WNK3: variants seen among roughly 807,000 people sequenced by gnomAD.
WNK3 encodes the protein WNK lysine deficient protein kinase 3, also known as serine/threonine-protein kinase WNK3.
Under a neutral mutation model 116.7 loss-of-function variants are expected in WNK3, and 18 were observed. That is an observed-to-expected ratio of 0.15 (90% CI 0.11 to 0.23). The LOEUF is 0.23. WNK3 is among the 10% of genes least tolerant of loss of function. The probability of loss-of-function intolerance (pLI) is 1.00; values close to 1 mark genes in which losing one functional copy is unlikely to be tolerated. For missense variants in WNK3, 993 were observed against 1,323.8 expected, an observed-to-expected ratio of 0.75 and a Z score of 3.88; for synonymous variants, 404 against 469.4, an observed-to-expected ratio of 0.86 and a Z score of 1.80.
chrX:54,251,348 C>A, intron 15 of WNK3, 51 bp downstream of exon 15: 1 of 930,706 alleles, frequency 1.1e-6, no homozygotes. Flanking sequence ...TAAAAGTTTT[C>A]AAATGTCTTG....
chrX:54,319,282 C>A (rs1249216157), intron 2 of WNK3, among the ~76,000 whole-genome samples: 1 of 111,076 alleles, frequency 9.0e-6, no homozygotes, highest in African/African-American at 3.3e-5. Context: ...CCCACCTCAG[C>A]CTACCAAGTA....
chrX:54,297,237 TGCAGGTAAACTATGATGA>T (rs2147123285), intron 7 of WNK3, among the ~76,000 whole-genome samples: 1 of 111,414 alleles, frequency 9.0e-6, no homozygotes, highest in Admixed American at 9.7e-5. Flanking sequence ...CAATATATTA[TGCAGGTAAACTATGATGA>T]AAAACAAAGA....
intron 10 of WNK3, among the ~76,000 whole-genome samples, chrX:54,275,413 ATATGTGTG>A (rs1471405712): frequency 2.9e-4 from 17 of 58,338 alleles, no homozygotes; most frequent in African/African-American, 9.9e-4. Flanking sequence ...GTATAAGTTC[ATATGTGTG>A]TGTGTGTGTG....
chrX:54,336,234 C>T (rs1170215979), intron 1 of WNK3, among the ~76,000 whole-genome samples: 12 of 110,738 alleles, frequency 1.1e-4, no homozygotes, highest in Non-Finnish European at 1.9e-4. Flanking sequence ...GGCTGTGAAT[C>T]GCTTGAACCT....
At chrX:54,302,699 T>TTCTC (rs782673409) in intron 5 of WNK3, among the ~76,000 whole-genome samples, 4,732 of 23,066 alleles carry the variant, frequency 0.21, 462 homozygotes, top group East Asian at 0.36. Flanking sequence ...AACATTCCAA[T>TTCTC]TCTCTCTCTC....
At chrX:54,198,439 T>C (rs1557140752) in exon 24 of WNK3, 1 of 1,208,938 alleles carries the variant, frequency 8.3e-7, no homozygotes, top group African/African-American at 1.8e-5. Context: ...TACTACAGAT[T>C]GTTGTGTTGT....
intron 2 of WNK3, among the ~76,000 whole-genome samples, chrX:54,329,261 T>C (rs1233483135): frequency 8.9e-6 from 1 of 111,805 alleles, no homozygotes; most frequent in Non-Finnish European, 1.9e-5. Context: ...CCAGGTGATG[T>C]CCATGCTGCT....
rs1022698907 is a variant in WNK3, at chrX:54,268,418, G to A, written c.2038-9080C>T. 3.6e-5 allele frequency among the ~76,000 whole-genome samples: 4 copies of A among 111,491 alleles called. No individual in the cohort carries two copies. In the Admixed American group the frequency reaches 3.9e-4, roughly 11 times the overall value. The stretch of plus-strand genomic sequence containing the variant: ...ATGGGAGGATTATTTGAGCCCAGGA[G>A]CCAGGTTGAGGCTGCAGTGAGCCAT... On this transcript the variant is annotated intron_variant, in intron 10 of 23. Transcript: ENST00000354646.
At chrX:54,303,564 T>C (rs1159987745) in intron 5 of WNK3, among the ~76,000 whole-genome samples, 4 of 110,936 alleles carry the variant, frequency 3.6e-5, no homozygotes, top group African/African-American at 1.3e-4. Context: ...CATTACATCG[T>C]AGACAAATAT....
chrX:54,281,638 G>C (rs1044864620), intron 10 of WNK3, among the ~76,000 whole-genome samples: 2 of 111,592 alleles, frequency 1.8e-5, no homozygotes, highest in Non-Finnish European at 3.8e-5. Context: ...CTATGAGTTT[G>C]ATATTTATAG....
At chrX:54,213,329 C>T (rs781837895) in intron 22 of WNK3, among the ~76,000 whole-genome samples, 2 of 108,006 alleles carry the variant, frequency 1.9e-5, no homozygotes, top group East Asian at 2.9e-4. Context: ...CTGAGGTGGG[C>T]GCATCACAAG....
chrX:54,309,408 T>C (rs1185677038), intron 3 of WNK3, 93 bp from the exon 4 acceptor site: 22 of 630,799 alleles, frequency 3.5e-5, no homozygotes, highest in Non-Finnish European at 4.1e-5. Context: ...AAACAACTTA[T>C]GCACTATGAT....
At chrX:54,290,607 T>C (rs1159018600) in intron 10 of WNK3, among the ~76,000 whole-genome samples, 1 of 111,813 alleles carries the variant, frequency 8.9e-6, no homozygotes, top group Non-Finnish European at 1.9e-5. Flanking sequence ...AATATACCAC[T>C]CATGGTTTCT....
At chrX:54,265,768 G>A (rs1389507543) in intron 10 of WNK3, among the ~76,000 whole-genome samples, 2 of 112,995 alleles carry the variant, frequency 1.8e-5, no homozygotes, top group African/African-American at 3.2e-5. Flanking sequence ...ATGAGGCTGG[G>A]CACAGTGGCT....
At chrX:54,206,001 C>G (rs1339160603) in intron 22 of WNK3, among the ~76,000 whole-genome samples, 4 of 111,889 alleles carry the variant, frequency 3.6e-5, no homozygotes, top group Non-Finnish European at 7.5e-5. Context: ...AGTGATCACT[C>G]CACTGCATTA....
At position 54,323,794 on chromosome X, in the gene WNK3, C is replaced by A. The variant is rs141885917; in HGVS notation, c.537+9343G>T. 2.7e-5 allele frequency among the ~76,000 whole-genome samples: 3 copies of A among 111,073 alleles called. No individual in the cohort carries two copies. The Admixed American group carries it at 2.9e-4, about 11-fold the overall frequency. On this transcript the variant is annotated intron_variant, in intron 2 of 23. Transcript: ENST00000354646. Reference sequence around the variant, plus strand: ...TACTGTAAGCTTTGTGAAAATGAGGCCTGTGTCTGCTTTTTCTCCCCATTA... The same window carrying A: ...TACTGTAAGCTTTGTGAAAATGAGGACTGTGTCTGCTTTTTCTCCCCATTA...
intron 22 of WNK3, chrX:54,224,157 C>A (rs2146807937): frequency 8.9e-6 from 1 of 111,994 alleles, no homozygotes; most frequent in Admixed American, 9.6e-5. Flanking sequence ...AGTTTGAGAC[C>A]AGCCTGACCA....
At chrX:54,337,056 GA>G (rs199969729) in intron 1 of WNK3, among the ~76,000 whole-genome samples, 2,158 of 108,141 alleles carry the variant, frequency 0.02, 54 homozygotes, top group African/African-American at 0.069. Flanking sequence ...TTTGACTTGG[GA>G]AAAAAAAACC....
intron 9 of WNK3, 35 bp downstream of exon 9, chrX:54,293,099 G>A: frequency 1.7e-6 from 2 of 1,181,195 alleles, no homozygotes; most frequent in Non-Finnish European, 2.3e-6. Flanking sequence ...TAAATACACT[G>A]ATTATATATT....
Sources: allele counts gnomAD v4.1 joint callset (sites outside exome capture counted in the v4.1 genomes callset), GRCh38; gene constraint gnomAD v4.1.1; transcripts MANE v1.5; gene names NCBI Gene and HGNC (gene_info 2026-07-23, HGNC 2026-07-21).